Variants in SLC13A3 observed in about 807,000 individuals in gnomAD.
The protein encoded by SLC13A3 is solute carrier family 13 member 3.
A neutral mutation model predicts 59.0 loss-of-function variants in SLC13A3; 40 were observed. That is an observed-to-expected ratio of 0.68 (90% confidence interval 0.53 to 0.88). The LOEUF (loss-of-function observed/expected upper bound fraction) is 0.88, where lower values mean the gene tolerates loss of function less well. Among genes scored for constraint, SLC13A3 ranks in the 40% least tolerant of loss-of-function variants. The pLI, the probability that SLC13A3 is intolerant of heterozygous loss-of-function variation, is 0.00. For synonymous variants in SLC13A3, 317 were observed against 330.3 expected, an observed-to-expected ratio of 0.96 and a Z score of 0.44; for missense variants, 699 against 783.2, an observed-to-expected ratio of 0.89 and a Z score of 1.28.
rs747577545 is a variant in SLC13A3, at chr20:46,596,269, G to A, written c.682C>T (p.Arg228Trp). The change falls in exon 5 of 13, where the codon CGG (arginine) becomes TGG (tryptophan). Residue 228 changes from arginine (R) to tryptophan (W), a missense_variant. Coordinates refer to ENST00000279027, the MANE Select transcript of SLC13A3 (RefSeq NM_022829.6). Reference sequence around the variant, plus strand: ...ATGAGGAAGCCCTTCCAGATGTTCCGACGATATTCATCCTCCTTCCTGGAG... The same window carrying A: ...ATGAGGAAGCCCTTCCAGATGTTCCAACGATATTCATCCTCCTTCCTGGAG... ...ADSRKEDEYR[R>W]NIWKGFLISI... is the part of the protein sequence containing the mutation. 29 of 1,614,046 alleles carry A rather than the reference G, an allele frequency of 1.8e-5. No homozygotes were observed. The highest frequency in any genetic ancestry group is 2.2e-5 in the East Asian group (1 of 44,890).
chr20:46,576,217 G>C (rs891154088), intron 9 of SLC13A3, among the ~76,000 whole-genome samples: 1 of 152,122 alleles, frequency 6.6e-6, no homozygotes, highest in Admixed American at 6.5e-5. Context: ...GGCTTTGCAG[G>C]CCACACAGTC....
At chr20:46,585,760 A>T in intron 8 of SLC13A3, 1 of 1,289,388 alleles carries the variant, frequency 7.8e-7, no homozygotes, top group Non-Finnish European at 1.0e-6. Flanking sequence ...AAAATAAAGC[A>T]TCTACATTTT....
At position 46,610,543 on chromosome 20, in the gene SLC13A3, A is replaced by G. The variant is rs377168604; in HGVS notation, c.444T>C (p.Thr148=). 1.9e-6 allele frequency: 3 copies of G among 1,614,128 alleles called. No individual in the cohort carries two copies. In the African/African-American group the frequency reaches 4.0e-5, roughly 22 times the overall value. The change falls in exon 3 of 13, where the codon ACT becomes ACC. Residue 148 remains threonine (T), a synonymous_variant. Transcript: ENST00000279027. ...LSMWLSNTAS[T]AMMLPIANAI... Reference sequence around the variant, plus strand: ...CATTGGCAATGGGAAGCATCATGGCAGTGGAGGCGGTGTTGCTCAGCCACA... The same window carrying G: ...CATTGGCAATGGGAAGCATCATGGCGGTGGAGGCGGTGTTGCTCAGCCACA...
intron 3 of SLC13A3, chr20:46,608,774 A>T: frequency 7.5e-7 from 1 of 1,328,132 alleles, no homozygotes; most frequent in Non-Finnish European, 1.0e-6. Context: ...AGCACACAAA[A>T]CCTATGGTTT....
intron 1 of SLC13A3, among the ~76,000 whole-genome samples, chr20:46,666,573 G>A (rs1270217067): frequency 6.6e-6 from 1 of 151,766 alleles, no homozygotes; most frequent in Admixed American, 6.6e-5. Flanking sequence ...GTGTGATCAC[G>A]GCTCACTGCA....
At chr20:46,648,601 G>C (rs924996056) in intron 1 of SLC13A3, among the ~76,000 whole-genome samples, 10 of 152,154 alleles carry the variant, frequency 6.6e-5, no homozygotes, top group Admixed American at 1.3e-4. Flanking sequence ...TAACTAAGAA[G>C]AGCATGTAAG....
intron 1 of SLC13A3, among the ~76,000 whole-genome samples, chr20:46,648,471 TG>T (rs1303908060): frequency 6.6e-6 from 1 of 152,158 alleles, no homozygotes; most frequent in Non-Finnish European, 1.5e-5. Flanking sequence ...GAGCCAGGCC[TG>T]CCTCCTGGGA....
At chr20:46,671,682 C>G (rs2063093067), upstream of SLC13A3, among the ~76,000 whole-genome samples, 1 of 152,164 alleles carries the variant, frequency 6.6e-6, no homozygotes, top group Admixed American at 6.5e-5. Context: ...AGCCACCAGG[C>G]AGCATTCAGG....
intron 1 of SLC13A3, among the ~76,000 whole-genome samples, chr20:46,676,996 C>T (rs969809288): frequency 6.6e-5 from 10 of 151,886 alleles, no homozygotes; most frequent in South Asian, 2.1e-4. Context: ...TCACTGCAAC[C>T]CCCATCTCCT....
chr20:46,567,324 C>T (rs752156080), intron 10 of SLC13A3, among the ~76,000 whole-genome samples: 9 of 152,124 alleles, frequency 5.9e-5, no homozygotes, highest in Admixed American at 1.3e-4. Context: ...TGAGGCTTTA[C>T]AGGGGACCAG....
chr20:46,563,460 G>C lies in SLC13A3; in HGVS notation c.1586C>G (p.Pro529Arg), dbSNP rs777030097. The C allele has an allele frequency of 1.2e-6, 2 of 1,614,050 alleles. No individual in the cohort carries two copies. Among genetic ancestry groups the C allele is most frequent in the Non-Finnish European group, 1.7e-6 (2 of 1,180,048 alleles). Residue 529 changes from proline to arginine, a missense_variant, in exon 12 of 13, where the codon CCC becomes CGC. Pro to Arg is a moderately radical substitution (Grantham distance 103). Coordinates refer to ENST00000279027, the MANE Select transcript of SLC13A3 (RefSeq NM_022829.6). Reference protein sequence around the residue: ...FAFMLPVSTPPNSIAFASGHL... With the variant: ...FAFMLPVSTPRNSIAFASGHL... ...TCCAGAGGCGAAGGCGATGGAGTTG[G>C]GGGGCGTTGAGACCGGGAGCATGAA... is the stretch of plus-strand genomic sequence containing the variant.
chr20:46,610,609 C>A lies in SLC13A3; in HGVS notation c.378G>T (p.Arg126Ser). The A allele has an allele frequency of 6.2e-7, 1 of 1,610,796 alleles. No individual in the cohort carries two copies. The highest frequency in any genetic ancestry group is 2.2e-5 in the East Asian group (1 of 44,794). The change falls in exon 3 of 13, where the codon AGG (arginine) becomes AGT (serine). Residue 126 changes from arginine (R) to serine (S), a missense_variant and splice_region_variant. Coordinates refer to ENST00000279027, the MANE Select transcript of SLC13A3 (RefSeq NM_022829.6). ...TGGTCACCATCATCCCCAGGATGAGCCTGCAGAGCAGATGGCATTAGAGGC... is the reference window on the plus strand; with the variant it reads ...TGGTCACCATCATCCCCAGGATGAGACTGCAGAGCAGATGGCATTAGAGGC... ...ILMLVGVQPA[R>S]LILGMMVTTS...
intron 1 of SLC13A3, among the ~76,000 whole-genome samples, chr20:46,675,295 T>A (rs1175119603): frequency 6.6e-6 from 1 of 151,768 alleles, no homozygotes; most frequent in Non-Finnish European, 1.5e-5. Flanking sequence ...AGTGGCGCAA[T>A]CTCATCTCAC....
At chr20:46,646,473 G>A (rs1056182316) in intron 1 of SLC13A3, among the ~76,000 whole-genome samples, 1 of 152,170 alleles carries the variant, frequency 6.6e-6, no homozygotes, top group Non-Finnish European at 1.5e-5. Context: ...CCCACTATAT[G>A]CTGAGCACCA....
At chr20:46,620,392 CAT>C (rs2062602767) in intron 1 of SLC13A3, among the ~76,000 whole-genome samples, 1 of 152,192 alleles carries the variant, frequency 6.6e-6, no homozygotes, top group Non-Finnish European at 1.5e-5. Flanking sequence ...CTTATTATCA[CAT>C]GTCTGAACAG....
At chr20:46,670,356 G>T (rs1391444330), upstream of SLC13A3, among the ~76,000 whole-genome samples, 2 of 152,188 alleles carry the variant, frequency 1.3e-5, no homozygotes, top group African/African-American at 4.8e-5. Context: ...ATCAGGAAGT[G>T]TAAGGGATGT....
At chr20:46,671,064 C>T (rs1454140468), upstream of SLC13A3, among the ~76,000 whole-genome samples, 3 of 152,136 alleles carry the variant, frequency 2.0e-5, no homozygotes, top group South Asian at 4.1e-4. Flanking sequence ...AATGCACTGC[C>T]CAGTGCCCCT....
At chr20:46,567,234 A>T (rs2061989071) in intron 10 of SLC13A3, among the ~76,000 whole-genome samples, 1 of 152,160 alleles carries the variant, frequency 6.6e-6, no homozygotes, top group Non-Finnish European at 1.5e-5. Flanking sequence ...CACATACAGT[A>T]ATAAGGATAA....
rs113700780 is a variant in SLC13A3 at position 46,583,657 on chromosome 20, A to G, written c.1134T>C (p.Asp378=). The change falls in exon 9 of 13, where the codon GAT becomes GAC. Residue 378 remains aspartate, a synonymous_variant. Transcript: ENST00000279027. ...TGACAATAGCCACGCCGGTGACAGCATCAGAAAGAAACCTACAATGAGAAG... is the reference window on the plus strand; with the variant it reads ...TGACAATAGCCACGCCGGTGACAGCGTCAGAAAGAAACCTACAATGAGAAG... ...ASLFNPGFLS[D]AVTGVAIVTI... 1 of 1,614,170 alleles carries G rather than the reference A, an allele frequency of 6.2e-7. No individual in the cohort carries two copies.
Sources: gnomAD v4.1 joint callset for allele counts (sites outside exome capture counted in the v4.1 genomes callset) on GRCh38, gnomAD v4.1.1 for gene constraint, MANE v1.5 for transcripts, NCBI Gene and HGNC (gene_info 2026-07-23, HGNC 2026-07-21) for gene names.